MICAL2: variants seen among roughly 807,000 people sequenced by gnomAD.
The protein encoded by MICAL2 is [F-actin]-monooxygenase MICAL2.
Under a neutral mutation model 127.3 loss-of-function variants are expected in MICAL2, and 77 were observed. That is an observed-to-expected ratio of 0.60 (90% CI 0.50 to 0.73). MICAL2 has a LOEUF of 0.73. Among genes scored for constraint, MICAL2 ranks in the 30% least tolerant of loss-of-function variants. The pLI is 0.00. For missense variants in MICAL2, 1,351 were observed against 1,434.4 expected (o/e 0.94, Z 0.94); for synonymous variants, 570 against 551.1 (o/e 1.03, Z -0.48).
chr11:12,214,823 T>TCACACACA (rs72173748), intron 7 of MICAL2, among the ~76,000 whole-genome samples: 4 of 149,328 alleles, frequency 2.7e-5, no homozygotes, highest in African/African-American at 7.3e-5. Context: ...AGCTGGTCCA[T>TCACACACA]CACACACACA....
intron 13 of MICAL2, among the ~76,000 whole-genome samples, chr11:12,225,230 T>A (rs1186134887): frequency 6.6e-6 from 1 of 152,258 alleles, no homozygotes; most frequent in Non-Finnish European, 1.5e-5. Context: ...ATAAGCTGTG[T>A]GTCCTTGGGC....
At chr11:12,238,625 C>G (rs925053214) in intron 16 of MICAL2, among the ~76,000 whole-genome samples, 1 of 151,332 alleles carries the variant, frequency 6.6e-6, no homozygotes, top group African/African-American at 2.4e-5. Flanking sequence ...ACCAAGGAGA[C>G]AGGGTGATGA....
exon 35 of MICAL2, chr11:12,358,381 G>A (rs775523203): frequency 2.0e-5 from 32 of 1,613,996 alleles, no homozygotes; most frequent in African/African-American, 6.7e-5. Context: ...GGACAAACTC[G>A]TCGATTCCTT....
intron 2 of MICAL2, among the ~76,000 whole-genome samples, chr11:12,155,732 G>A (rs745609105): frequency 2.0e-5 from 3 of 152,234 alleles, no homozygotes; most frequent in Non-Finnish European, 4.4e-5. Flanking sequence ...CCTCCCCCAC[G>A]TCCACATAGA....
At chr11:12,201,964 C>A (rs1306696927) in intron 3 of MICAL2, among the ~76,000 whole-genome samples, 1 of 151,866 alleles carries the variant, frequency 6.6e-6, no homozygotes, top group Non-Finnish European at 1.5e-5. Flanking sequence ...ACTAAAAATA[C>A]AAAAAAAATT....
At chr11:12,317,764 C>G (rs1292836158) in intron 29 of MICAL2, among the ~76,000 whole-genome samples, 1 of 151,174 alleles carries the variant, frequency 6.6e-6, no homozygotes, top group Non-Finnish European at 1.5e-5. Flanking sequence ...TACACTCCAG[C>G]CTGAGTGACA....
chr11:12,122,521 G>C (rs1266087813), intron 1 of MICAL2, among the ~76,000 whole-genome samples: 1 of 152,214 alleles, frequency 6.6e-6, no homozygotes, highest in Non-Finnish European at 1.5e-5. Flanking sequence ...CAATTCTCCT[G>C]CCTCAGCCTC....
At chr11:12,161,931 TATAA>T in intron 2 of MICAL2, 144 bp from the exon 3 acceptor site, 1 of 597,500 alleles carries the variant, frequency 1.7e-6, no homozygotes, top group Non-Finnish European at 2.9e-6. Flanking sequence ...CTGTATCTGT[TATAA>T]ATATTTATGT....
chr11:12,233,127 G>T (rs1269569444), intron 15 of MICAL2, among the ~76,000 whole-genome samples: 2 of 152,210 alleles, frequency 1.3e-5, no homozygotes, highest in Non-Finnish European at 2.9e-5. Flanking sequence ...ATCTGCCATG[G>T]ATGAGGGGAG....
intron 2 of MICAL2, among the ~76,000 whole-genome samples, chr11:12,156,998 A>G (rs1361609059): frequency 6.6e-6 from 1 of 152,140 alleles, no homozygotes; most frequent in East Asian, 1.9e-4. Context: ...GGCAGTATAC[A>G]TGGGTTTTGT....
downstream of MICAL2, among the ~76,000 whole-genome samples, chr11:12,289,889 C>T (rs1255537146): frequency 1.3e-5 from 2 of 152,156 alleles, no homozygotes; most frequent in African/African-American, 4.8e-5. Context: ...CTCTTTTTAG[C>T]CCATGTTATC....
chr11:12,219,103 A>T (rs1305723201), intron 8 of MICAL2, among the ~76,000 whole-genome samples: 1 of 152,202 alleles, frequency 6.6e-6, no homozygotes, highest in African/African-American at 2.4e-5. Flanking sequence ...TTAGTTAGTA[A>T]ACAGCAGAGG....
At chr11:12,297,202 C>G (rs1355351233), downstream of MICAL2, among the ~76,000 whole-genome samples, 2 of 152,156 alleles carry the variant, frequency 1.3e-5, no homozygotes, top group Admixed American at 6.5e-5. Context: ...TACATTTGCA[C>G]TAACTGGTGT....
chr11:12,158,263 C>G (rs1282233246), intron 2 of MICAL2, among the ~76,000 whole-genome samples: 1 of 152,120 alleles, frequency 6.6e-6, no homozygotes, highest in Non-Finnish European at 1.5e-5. Context: ...GATACTCAAC[C>G]TGTATATAAC....
chr11:12,313,572 T>C (rs1235269327), intron 29 of MICAL2, among the ~76,000 whole-genome samples: 1 of 152,258 alleles, frequency 6.6e-6, no homozygotes, highest in Non-Finnish European at 1.5e-5. Context: ...GTTTCTTATG[T>C]ACTTCAAATA....
At chr11:12,190,497 G>C (rs1475377465) in intron 3 of MICAL2, among the ~76,000 whole-genome samples, 2 of 152,198 alleles carry the variant, frequency 1.3e-5, no homozygotes, top group Non-Finnish European at 2.9e-5. Context: ...ATTGGTAAAG[G>C]TAGTAAAACT....
intron 3 of MICAL2, among the ~76,000 whole-genome samples, chr11:12,177,582 C>A (rs1449028610): frequency 6.6e-6 from 1 of 152,324 alleles, no homozygotes; most frequent in East Asian, 1.9e-4. Context: ...AAATTACTGT[C>A]ATGAAGCTTT....
intron 3 of MICAL2, among the ~76,000 whole-genome samples, chr11:12,177,094 G>A (rs1453856340): frequency 6.6e-6 from 1 of 152,160 alleles, no homozygotes; most frequent in Non-Finnish European, 1.5e-5. Context: ...TTGTTTTCAA[G>A]TAGTTGTACC....
chr11:12,115,390 GC>G lies in MICAL2; in HGVS notation c.-149+4667del, dbSNP rs573723259. 2.1e-4 allele frequency among the ~76,000 whole-genome samples: 32 copies of G among 152,266 alleles called. 1 individual carries two copies. In the South Asian group the frequency reaches 6.4e-3, roughly 31 times the overall value. On this transcript the variant is annotated intron_variant, in intron 1 of 27. Transcript: ENST00000683283. ...GGTGTCTTTTACCCATCCAGTAATG[GC>G]CCTTCCCTGCGAACAGCCCTCAACA... is the stretch of plus-strand genomic sequence containing the variant.
Sources: gnomAD v4.1 joint callset for allele counts (sites outside exome capture counted in the v4.1 genomes callset) on GRCh38, gnomAD v4.1.1 for gene constraint, MANE v1.5 for transcripts, NCBI Gene and HGNC (gene_info 2026-07-23, HGNC 2026-07-21) for gene names.